Variants in PTCHD1 observed in about 807,000 individuals in gnomAD.
PTCHD1 encodes the protein patched domain containing 1, also known as patched domain-containing protein 1.
A neutral mutation model predicts 34.6 loss-of-function variants in PTCHD1; 3 were observed. The ratio of observed to expected loss-of-function variants is 0.09; its 90% CI spans 0.04 to 0.22. The LOEUF (loss-of-function observed/expected upper bound fraction) is 0.22. Ranked by LOEUF, PTCHD1 falls within the 10% of genes least tolerant of loss-of-function variation. The pLI is 1.00. For missense variants in PTCHD1, 504 were observed against 685.5 expected, an observed-to-expected ratio of 0.74 and a Z score of 2.96; for synonymous variants, 305 against 283.1, an observed-to-expected ratio of 1.08 and a Z score of -0.77.
chrX:23,357,406 G>A (rs140094555), intron 1 of PTCHD1, among the ~76,000 whole-genome samples: 1,175 of 111,488 alleles, frequency 0.011, 13 homozygotes, highest in African/African-American at 0.036. Flanking sequence ...CTGAGGATAT[G>A]GGGTAACTGG....
rs756235372 is a variant in PTCHD1, at chrX:23,396,615, A to T, written c.*2430A>T. 1.8e-5 allele frequency: 2 copies of T among 112,521 alleles called. No homozygotes were observed. Among genetic ancestry groups the T allele is most frequent in the South Asian group, 3.7e-4 (1 of 2,702 alleles). 9.3% of individuals were successfully genotyped at this position (112,521 alleles called of 1,213,427 possible). A position where few individuals can be genotyped will look rare whatever the true frequency, so the allele number is the denominator to read the frequency against. On this transcript the variant is annotated 3_prime_UTR_variant, in exon 3 of 3. Coordinates refer to ENST00000379361, the MANE Select transcript of PTCHD1 (RefSeq NM_173495.3). ...ATTTAATCATTCAATTTGGTCAACC[A>T]GAATGACTTCCTGTGGAACTCTGTT...
intron 1 of PTCHD1, among the ~76,000 whole-genome samples, chrX:23,336,702 C>T (rs1049626031): frequency 1.8e-5 from 2 of 111,218 alleles, no homozygotes; most frequent in African/African-American, 6.6e-5. Context: ...AACATTAATC[C>T]CGAGATGTTT....
At chrX:23,367,485 A>G (rs763322005) in intron 1 of PTCHD1, among the ~76,000 whole-genome samples, 70 of 112,053 alleles carry the variant, frequency 6.2e-4, no homozygotes, top group South Asian at 1.1e-3. Context: ...CAAAAGCCAC[A>G]TGCCAGTGAG....
At position 23,364,414 on chromosome X, in the gene PTCHD1, A is replaced by C. The variant is rs577738737; in HGVS notation, c.352-15177A>C. On this transcript the variant is annotated intron_variant, in intron 1 of 2. Transcript: ENST00000379361. ...CACACACACACACACACACACACAC[A>C]CCGTATTCAGTGACCCTGTCAGTAA... Among the ~76,000 whole-genome samples the C allele has an allele frequency of 9.0e-4, 90 of 100,131 alleles. 1 individual carries two copies. Among genetic ancestry groups the C allele is most frequent in the African/African-American group, 3.2e-3 (85 of 26,541 alleles). 87.0% of individuals were successfully genotyped at this position (100,131 alleles called of 115,157 possible). A position where few individuals can be genotyped will look rare whatever the true frequency, so the allele number is the denominator to read the frequency against.
At position 23,395,485 on chromosome X, in the gene PTCHD1, G is replaced by A. The variant is rs1922965703; in HGVS notation, c.*1300G>A. ...ATGGCAGTCCAATTCTCTTGCTAAAGTGGCTGCACCTCACCTTGCTGGTCC... is the reference window on the plus strand; with the variant it reads ...ATGGCAGTCCAATTCTCTTGCTAAAATGGCTGCACCTCACCTTGCTGGTCC... On this transcript the variant is annotated 3_prime_UTR_variant, in exon 3 of 3. Transcript: ENST00000379361. 1 of 111,628 alleles carries A rather than the reference G, an allele frequency of 9.0e-6. No homozygotes were observed. Among genetic ancestry groups the A allele is most frequent in the African/African-American group, 3.3e-5 (1 of 30,662 alleles). The allele number at this position is 111,628 out of a possible 1,213,427, so 9.2% of individuals were successfully genotyped here. A position where few individuals can be genotyped will look rare whatever the true frequency, so the allele number is the denominator to read the frequency against.
Position 23,402,678 on chromosome X carries a change from C to T in PTCHD1, c.*8493C>T, listed in dbSNP as rs1311424182. ...ACCACCCACTATTTGTTGTGGTTTA[C>T]AATCCAGCTTAGAACCCTTGAGCAA... On this transcript the variant is annotated 3_prime_UTR_variant, in exon 3 of 3. Transcript: ENST00000379361. 8.9e-6 allele frequency: 1 copy of T among 112,149 alleles called. No homozygotes were observed. 9.2% of individuals were successfully genotyped at this position (112,149 alleles called of 1,213,427 possible). A position where few individuals can be genotyped will look rare whatever the true frequency, so the allele number is the denominator to read the frequency against.
At chrX:23,364,681 C>T (rs767718018) in intron 1 of PTCHD1, among the ~76,000 whole-genome samples, 20 of 112,179 alleles carry the variant, frequency 1.8e-4, no homozygotes, top group Non-Finnish European at 3.6e-4. Flanking sequence ...ATCCAGTGAA[C>T]ACATCAGCTG....
At chrX:23,370,900 T>G (rs756241538) in intron 1 of PTCHD1, among the ~76,000 whole-genome samples, 6 of 111,485 alleles carry the variant, frequency 5.4e-5, no homozygotes, top group Non-Finnish European at 9.4e-5. Context: ...GTCTTTTTTC[T>G]AAAATCCTGC....
At chrX:23,352,295 C>G (rs1387431280) in intron 1 of PTCHD1, among the ~76,000 whole-genome samples, 4 of 111,793 alleles carry the variant, frequency 3.6e-5, no homozygotes, top group Non-Finnish European at 5.6e-5. Flanking sequence ...TATCTGTGAG[C>G]TTGGTGACCA....
At chrX:23,389,646 A>G (rs1922777675) in intron 2 of PTCHD1, among the ~76,000 whole-genome samples, 2 of 111,738 alleles carry the variant, frequency 1.8e-5, no homozygotes, top group Non-Finnish European at 3.8e-5. Flanking sequence ...ATGCTGAGTG[A>G]TCGGTTAGAA....
At chrX:23,386,985 C>T (rs910200412) in intron 2 of PTCHD1, among the ~76,000 whole-genome samples, 5 of 112,051 alleles carry the variant, frequency 4.5e-5, no homozygotes, top group South Asian at 3.7e-4. Context: ...CCAGCGGCAT[C>T]TCTCAGCTGC....
chrX:23,366,468 G>A (rs1413615649), intron 1 of PTCHD1, among the ~76,000 whole-genome samples: 1 of 110,780 alleles, frequency 9.0e-6, no homozygotes, highest in Non-Finnish European at 1.9e-5. Context: ...CATTTCCCCT[G>A]ACATCCTTTT....
chrX:23,335,391 G>C (rs1921141065), intron 1 of PTCHD1, among the ~76,000 whole-genome samples, 165 bp downstream of exon 1: 1 of 113,216 alleles, frequency 8.8e-6, no homozygotes, highest in South Asian at 3.6e-4. Context: ...GAGCCTCCCA[G>C]CCTCCTGGAC....
At position 23,404,170 on chromosome X, in the gene PTCHD1, T is replaced by C. The variant is rs1278546200; in HGVS notation, c.*9985T>C. On this transcript the variant is annotated 3_prime_UTR_variant, in exon 3 of 3. Transcript: ENST00000379361. Reference sequence around the variant, plus strand: ...AGTTGACTATCTTTTCATATTAAAATCCCATCTTCCAATGAAGCATCCTGT... The same window carrying C: ...AGTTGACTATCTTTTCATATTAAAACCCCATCTTCCAATGAAGCATCCTGT... 8.9e-6 allele frequency: 1 copy of C among 112,494 alleles called. No individual in the cohort carries two copies. The highest frequency in any genetic ancestry group is 2.8e-4 in the East Asian group (1 of 3,596). 9.3% of individuals were successfully genotyped at this position (112,494 alleles called of 1,213,427 possible). A position where few individuals can be genotyped will look rare whatever the true frequency, so the allele number is the denominator to read the frequency against.
At chrX:23,376,557 C>T (rs1922419530) in intron 1 of PTCHD1, among the ~76,000 whole-genome samples, 2 of 112,241 alleles carry the variant, frequency 1.8e-5, no homozygotes, top group South Asian at 7.5e-4. Context: ...AGGTAGCATG[C>T]GCAGTATATC....
At position 23,397,231 on chromosome X, in the gene PTCHD1, T is replaced by G. The variant is rs1032929828; in HGVS notation, c.*3046T>G. On this transcript the variant is annotated 3_prime_UTR_variant, in exon 3 of 3. Coordinates refer to ENST00000379361, the MANE Select transcript of PTCHD1 (RefSeq NM_173495.3). The stretch of plus-strand genomic sequence containing the variant: ...TTTGGCCATTCATAAGGAAAATTTT[T>G]AAAAGTCAAGGTAAGGGTGATATTC... 5 of 112,082 alleles carry G rather than the reference T, an allele frequency of 4.5e-5. No individual in the cohort carries two copies. Among genetic ancestry groups the G allele is most frequent in the Non-Finnish European group, 9.4e-5 (5 of 53,285 alleles). The allele number at this position is 112,082 out of a possible 1,213,427, so 9.2% of individuals were successfully genotyped here. A position where few individuals can be genotyped will look rare whatever the true frequency, so the allele number is the denominator to read the frequency against.
rs1183406861 is a variant in PTCHD1, at chrX:23,379,947, T to A, written c.708T>A (p.Thr236=). 2 of 1,211,974 alleles carry A rather than the reference T, an allele frequency of 1.7e-6. No individual in the cohort carries two copies. The highest frequency in any genetic ancestry group is 3.5e-5 in the South Asian group (2 of 56,993). ...GGTGGGAGTCCAGCTTCTGCGACACTGTCAGACTGTTTCAGAAATCCAACA... is the reference window on the plus strand; with the variant it reads ...GGTGGGAGTCCAGCTTCTGCGACACAGTCAGACTGTTTCAGAAATCCAACA... ...AERWESSFCD[T]VRLFQKSNSK... is the part of the protein sequence containing the mutation. Residue 236 remains threonine, a synonymous_variant, in exon 2 of 3, where the codon ACT becomes ACA. Coordinates refer to ENST00000379361, the MANE Select transcript of PTCHD1 (RefSeq NM_173495.3).
intron 1 of PTCHD1, among the ~76,000 whole-genome samples, chrX:23,349,241 A>AAAC (rs772132228): frequency 8.1e-5 from 9 of 111,750 alleles, no homozygotes; most frequent in African/African-American, 2.9e-4. Flanking sequence ...ACAAATGCAA[A>AAAC]AACAACAACA....
At chrX:23,363,190 A>C (rs1477465349) in intron 1 of PTCHD1, among the ~76,000 whole-genome samples, 1 of 112,654 alleles carries the variant, frequency 8.9e-6, no homozygotes, top group Non-Finnish European at 1.9e-5. Context: ...CAGAGCTGTC[A>C]GTCAGGTACG....
Sources: allele counts gnomAD v4.1 joint callset (sites outside exome capture counted in the v4.1 genomes callset), GRCh38; gene constraint gnomAD v4.1.1; transcripts MANE v1.5; gene names NCBI Gene and HGNC (gene_info 2026-07-23, HGNC 2026-07-21).